SLC16A12: variants seen among roughly 807,000 people sequenced by gnomAD.
The protein encoded by SLC16A12 is monocarboxylate transporter 12.
A neutral mutation model predicts 42.4 loss-of-function variants in SLC16A12; 17 were observed. The ratio of observed to expected loss-of-function variants is 0.40; its 90% CI spans 0.27 to 0.60. SLC16A12 has a LOEUF of 0.60. Among genes scored for constraint, SLC16A12 ranks in the 20% least tolerant of loss-of-function variants. SLC16A12 has a pLI of 0.42. For synonymous variants in SLC16A12, 224 were observed against 229.4 expected, an observed-to-expected ratio of 0.98 and a Z score of 0.21; for missense variants, 544 against 623.0, an observed-to-expected ratio of 0.87 and a Z score of 1.35.
intron 2 of SLC16A12, among the ~76,000 whole-genome samples, chr10:89,543,791 T>C (rs1371746035): frequency 6.6e-6 from 1 of 151,974 alleles, no homozygotes; most frequent in African/African-American, 2.4e-5. Context: ...ATGATGATTG[T>C]GTCACTGCAC....
At chr10:89,456,908 A>C (rs1842201394) in intron 3 of SLC16A12, among the ~76,000 whole-genome samples, 1 of 152,148 alleles carries the variant, frequency 6.6e-6, no homozygotes, top group South Asian at 2.1e-4. Context: ...TGCATAGTAT[A>C]TACATAGTGG....
chr10:89,509,588 T>C (rs1227014374), intron 2 of SLC16A12, among the ~76,000 whole-genome samples: 1 of 152,164 alleles, frequency 6.6e-6, no homozygotes, highest in African/African-American at 2.4e-5. Flanking sequence ...ATGAAACATA[T>C]CTCAAAATAA....
At position 89,534,517 on chromosome 10, in the gene SLC16A12, A is replaced by G. The variant is rs188006700; in HGVS notation, c.-63T>C. The G allele has an allele frequency of 1.3e-5, 2 of 152,174 alleles. No individual in the cohort carries two copies. Among genetic ancestry groups the G allele is most frequent in the African/African-American group, 4.8e-5 (2 of 41,470 alleles). 9.4% of individuals were successfully genotyped at this position (152,174 alleles called of 1,614,324 possible). ...AGGACTCACCTGACTAGACATTTTT[A>G]AAAATTATGGCCAGGCACGGTGGCT... On this transcript the variant is annotated 5_prime_UTR_variant, in exon 2 of 8. Coordinates refer to ENST00000371790, the MANE Select transcript of SLC16A12 (RefSeq NM_213606.4).
Position 89,441,088 on chromosome 10 carries a change from G to T in SLC16A12, c.448+20C>A, listed in dbSNP as rs1227269279. On this transcript the variant is annotated intron_variant, in intron 5 of 7. Transcript: ENST00000371790. ...CCCTGAATGGAGTGGGGTGAGACAG[G>T]TGGTACAAAGTGCCCTTACCTGTAA... is the stretch of plus-strand genomic sequence containing the variant. The T allele has an allele frequency of 1.4e-5, 22 of 1,613,712 alleles. No individual in the cohort carries two copies. The highest frequency in any genetic ancestry group is 1.9e-5 in the Non-Finnish European group (22 of 1,179,710).
chr10:89,547,962 T>C (rs1035624219), intron 2 of SLC16A12, among the ~76,000 whole-genome samples: 1 of 66,382 alleles, frequency 1.5e-5, no homozygotes, highest in Admixed American at 2.1e-4. Context: ...CACTCCAGCC[T>C]GGGCAAAAAA....
At chr10:89,505,327 A>C (rs900774681) in intron 2 of SLC16A12, among the ~76,000 whole-genome samples, 1 of 152,104 alleles carries the variant, frequency 6.6e-6, no homozygotes, top group East Asian at 1.9e-4. Flanking sequence ...AGGCAGGAGA[A>C]TCTCTTAAAC....
intron 1 of SLC16A12, 141 bp from the exon 2 acceptor site, chr10:89,534,781 A>T (rs1843624529): frequency 6.6e-6 from 1 of 152,094 alleles, no homozygotes; most frequent in Non-Finnish European, 1.5e-5. Context: ...ATGAGCTGAG[A>T]TCGCGCCACT....
At chr10:89,536,188 T>G (rs1004003765), upstream of SLC16A12, among the ~76,000 whole-genome samples, 1 of 152,170 alleles carries the variant, frequency 6.6e-6, no homozygotes, top group Non-Finnish European at 1.5e-5. Context: ...AAAAGAACTT[T>G]TCCCCTCAGG....
intron 2 of SLC16A12, among the ~76,000 whole-genome samples, chr10:89,547,331 T>C (rs1430494377): frequency 6.6e-6 from 1 of 152,206 alleles, no homozygotes; most frequent in Non-Finnish European, 1.5e-5. Flanking sequence ...TAGCAATATA[T>C]TAGAAAAGAA....
chr10:89,487,527 A>G (rs1269988487), intron 2 of SLC16A12, among the ~76,000 whole-genome samples: 26 of 151,966 alleles, frequency 1.7e-4, no homozygotes, highest in African/African-American at 6.3e-4. Context: ...TTGGCCAAGT[A>G]TGGTGGCTCA....
chr10:89,469,319 G>A (rs1219963914), intron 2 of SLC16A12, among the ~76,000 whole-genome samples: 1 of 152,142 alleles, frequency 6.6e-6, no homozygotes, highest in East Asian at 1.9e-4. Context: ...AGTGCAAGTT[G>A]GGATATATTC....
intron 2 of SLC16A12, among the ~76,000 whole-genome samples, chr10:89,472,491 T>C (rs868497218): frequency 8.9e-5 from 12 of 134,596 alleles, no homozygotes; most frequent in East Asian, 4.2e-4. Context: ...TTCTTTCTTT[T>C]TTTTTTTTTT....
In SLC16A12 at chr10:89,433,227, A is replaced by C. The variant is rs773492234; in HGVS notation, c.1388T>G (p.Ile463Arg). 8 of 1,614,230 alleles carry C rather than the reference A, an allele frequency of 5.0e-6. No individual in the cohort carries two copies. The highest frequency in any genetic ancestry group is 6.8e-6 in the Non-Finnish European group (8 of 1,180,034). Residue 463 changes from isoleucine (I) to arginine (R), a missense_variant, in exon 8 of 8, where the codon ATA (isoleucine) becomes AGA (arginine). Transcript: ENST00000371790. ...CAACTGGGTTTTTCTCATTCTCTTT[A>C]TAAGTCTAGCAAAGCCAAGCAACAC... ...SSVLLGFARL[I>R]KRMRKTQLQF...
chr10:89,494,402 T>G (rs1589704836), intron 2 of SLC16A12, among the ~76,000 whole-genome samples: 1 of 152,200 alleles, frequency 6.6e-6, no homozygotes. Context: ...CATATAAGAA[T>G]GCATTAGCAT....
rs1843794054 is a variant in SLC16A12, at chr10:89,554,147, A to AG, written c.-47+1734dup. Among the ~76,000 whole-genome samples the AG allele has an allele frequency of 3.7e-4, 34 of 93,022 alleles. 4 individuals are homozygous for AG. Among genetic ancestry groups the AG allele is most frequent in the African/African-American group, 1.9e-3 (33 of 17,730 alleles). 61.0% of individuals were successfully genotyped at this position (93,022 alleles called of 152,430 possible). On this transcript the variant is annotated intron_variant, in intron 2 of 2. Transcript: ENST00000475682. ...AGGAAGGAAGGAAGGAAGGAAGGAA[A>AG]GAAAGAAAGAAAATGGGAAAGTTCT...
chr10:89,509,512 C>CA (rs1268373129), intron 2 of SLC16A12, among the ~76,000 whole-genome samples: 1 of 151,952 alleles, frequency 6.6e-6, no homozygotes, highest in East Asian at 1.9e-4. Flanking sequence ...TTGATATTTG[C>CA]AAAAAAGGCC....
intron 2 of SLC16A12, among the ~76,000 whole-genome samples, chr10:89,533,595 T>C (rs1843594108): frequency 1.3e-5 from 2 of 152,062 alleles, no homozygotes; most frequent in Non-Finnish European, 2.9e-5. Flanking sequence ...GATCGATCAT[T>C]ACCATAGAGG....
intron 2 of SLC16A12, among the ~76,000 whole-genome samples, chr10:89,531,843 C>G (rs1843560843): frequency 6.6e-6 from 1 of 152,204 alleles, no homozygotes; most frequent in Admixed American, 6.5e-5. Flanking sequence ...CTCCAATGGG[C>G]CCTCCTCTAC....
chr10:89,453,737 A>T lies in SLC16A12; in HGVS notation c.200+8642T>A, dbSNP rs527898012. Among the ~76,000 whole-genome samples, 23 of 152,252 alleles carry T rather than the reference A, an allele frequency of 1.5e-4. 1 individual carries two copies. The South Asian group carries it at 4.8e-3, about 32-fold the overall frequency. Reference sequence around the variant, plus strand: ...GAACACGTCCCCGTCATTAAGCAACACATGACTGTAGTCTAGTTATCCTTA... The same window carrying T: ...GAACACGTCCCCGTCATTAAGCAACTCATGACTGTAGTCTAGTTATCCTTA... On this transcript the variant is annotated intron_variant, in intron 3 of 7. Coordinates refer to ENST00000371790, the MANE Select transcript of SLC16A12 (RefSeq NM_213606.4).
Sources: gnomAD v4.1 joint callset for allele counts (sites outside exome capture counted in the v4.1 genomes callset) on GRCh38, gnomAD v4.1.1 for gene constraint, MANE v1.5 for transcripts, NCBI Gene and HGNC (gene_info 2026-07-23, HGNC 2026-07-21) for gene names.